MAP2: variants seen among roughly 807,000 people sequenced by gnomAD.
The protein encoded by MAP2 is microtubule-associated protein 2.
In MAP2, 14 loss-of-function variants were observed where a neutral mutation model predicts 137.6. That is an observed-to-expected ratio of 0.10 (90% CI 0.07 to 0.16). The LOEUF is 0.16. MAP2 is among the 10% of genes least tolerant of loss of function. The pLI is 1.00. For missense variants in MAP2, 2,088 were observed against 2,191.5 expected (o/e 0.95, Z 0.94); for synonymous variants, 786 against 782.3 (o/e 1.00, Z -0.08).
chr2:209,475,712 C>T (rs780094657), intron 1 of MAP2, among the ~76,000 whole-genome samples: 36 of 152,200 alleles, frequency 2.4e-4, no homozygotes, highest in Non-Finnish European at 4.1e-4. Flanking sequence ...AAATAAGCAT[C>T]AATCTTTGTA....
intron 13 of MAP2, among the ~76,000 whole-genome samples, chr2:209,711,288 A>G (rs2065363939): frequency 6.6e-6 from 1 of 152,004 alleles, no homozygotes; most frequent in Non-Finnish European, 1.5e-5. Context: ...AAGAAAATCT[A>G]TTTTCAGGAA....
chr2:209,465,556 C>T lies in MAP2; in HGVS notation c.-222+41280C>T, dbSNP rs1032225113. 2.0e-5 allele frequency among the ~76,000 whole-genome samples: 3 copies of T among 152,124 alleles called. No individual in the cohort carries two copies. In the East Asian group the frequency reaches 5.8e-4, roughly 29 times the overall value. On this transcript the variant is annotated intron_variant, in intron 1 of 15. Transcript: ENST00000682079. ...ATTTCATGACTGTATAGAGTGAGAA[C>T]ATGTTGAAAAGCAAACCTGGGTTTT...
At position 209,692,888 on chromosome 2, in the gene MAP2, A is replaced by C; in HGVS notation, c.718A>C (p.Lys240Gln). 5 of 1,614,078 alleles carry C rather than the reference A, an allele frequency of 3.1e-6. No homozygotes were observed. The highest frequency in any genetic ancestry group is 4.2e-6 in the Non-Finnish European group (5 of 1,179,984). ...TGCCAGCCTGGAAGACATGAAACAG[A>C]AGACAGAACCAAGCCTTGTAGTACC... ...LVASLEDMKQ[K>Q]TEPSLVVPGI... The change falls in exon 8 of 16, where the codon AAG becomes CAG. Residue 240 changes from lysine to glutamine, a missense_variant. Lys to Gln is a moderately conservative substitution (Grantham distance 53). Coordinates refer to ENST00000682079, the MANE Select transcript of MAP2 (RefSeq NM_001375505.1).
At chr2:209,493,066 T>C (rs2059326856) in intron 1 of MAP2, among the ~76,000 whole-genome samples, 1 of 152,206 alleles carries the variant, frequency 6.6e-6, no homozygotes, top group Admixed American at 6.5e-5. Context: ...GTTATGGTAC[T>C]GGTACCAAAA....
chr2:209,472,686 GA>G (rs1256048153), intron 1 of MAP2, among the ~76,000 whole-genome samples: 3 of 150,796 alleles, frequency 2.0e-5, no homozygotes, highest in East Asian at 1.9e-4. Context: ...GAGGGAGGAG[GA>G]AAAAAAACAG....
At chr2:209,496,566 C>G (rs1376518868) in intron 1 of MAP2, among the ~76,000 whole-genome samples, 1 of 152,124 alleles carries the variant, frequency 6.6e-6, no homozygotes, top group Non-Finnish European at 1.5e-5. Flanking sequence ...AAATCATACC[C>G]TCCATGAATA....
chr2:209,730,617 G>T lies in MAP2; in HGVS notation c.*220G>T, dbSNP rs2075664541. ...AACAGGAAGACACTGGCTTTACATG[G>T]GTTCAATTGGACAATTATTTTTGCT... On this transcript the variant is annotated 3_prime_UTR_variant, in exon 16 of 16. Coordinates refer to ENST00000682079, the MANE Select transcript of MAP2 (RefSeq NM_001375505.1). 5.6e-6 allele frequency: 3 copies of T among 531,750 alleles called. No homozygotes were observed. The highest frequency in any genetic ancestry group is 3.4e-6 in the Non-Finnish European group (1 of 297,148). 32.9% of individuals were successfully genotyped at this position (531,750 alleles called of 1,614,324 possible).
In MAP2 at chr2:209,435,929, T is replaced by G. The variant is rs951652317; in HGVS notation, c.-222+11653T>G. Among the ~76,000 whole-genome samples the G allele has an allele frequency of 5.3e-4, 44 of 82,382 alleles. No homozygotes were observed. In the East Asian group the frequency reaches 6.1e-3, roughly 11 times the overall value. The allele number at this position is 82,382 out of a possible 152,430, so 54.0% of individuals were successfully genotyped here. A position where few individuals can be genotyped will look rare whatever the true frequency, so the allele number is the denominator to read the frequency against. ...GTCACGTGCATGCCAAATATATATATTATATATATAATATATACTATATAT... is the reference window on the plus strand; with the variant it reads ...GTCACGTGCATGCCAAATATATATAGTATATATATAATATATACTATATAT... On this transcript the variant is annotated intron_variant, in intron 1 of 15. Coordinates refer to ENST00000682079, the MANE Select transcript of MAP2 (RefSeq NM_001375505.1).
At chr2:209,643,438 A>AAT (rs1439989075) in intron 4 of MAP2, among the ~76,000 whole-genome samples, 3 of 152,150 alleles carry the variant, frequency 2.0e-5, no homozygotes, top group African/African-American at 7.2e-5. Context: ...CTAGATACTA[A>AAT]ATAATTCAAT....
chr2:209,488,878 G>T (rs573983478), intron 1 of MAP2, among the ~76,000 whole-genome samples: 5 of 152,214 alleles, frequency 3.3e-5, no homozygotes, highest in African/African-American at 1.2e-4. Context: ...CGACTTAAAC[G>T]TTCCTGCCTG....
At chr2:209,566,802 G>T (rs1338367953) in intron 2 of MAP2, among the ~76,000 whole-genome samples, 4 of 152,048 alleles carry the variant, frequency 2.6e-5, no homozygotes, top group Non-Finnish European at 5.9e-5. Flanking sequence ...ACTCATGAGT[G>T]TCAGTTTCTC....
At position 209,598,625 on chromosome 2, in the gene MAP2, G is replaced by A. The variant is rs1275979034; in HGVS notation, c.-107+18525G>A. 5.8e-5 allele frequency among the ~76,000 whole-genome samples: 8 copies of A among 137,374 alleles called. No individual in the cohort carries two copies. The Admixed American group carries it at 6.4e-4, about 11-fold the overall frequency. The allele number at this position is 137,374 out of a possible 152,430, so 90.1% of individuals were successfully genotyped here. On this transcript the variant is annotated intron_variant, in intron 3 of 15. Coordinates refer to ENST00000682079, the MANE Select transcript of MAP2 (RefSeq NM_001375505.1). ...CCCCCACCCCACAACAGTCCCCAGAGTGTGATGTTCCCCTTCCTGTGTCCA... is the reference window on the plus strand; with the variant it reads ...CCCCCACCCCACAACAGTCCCCAGAATGTGATGTTCCCCTTCCTGTGTCCA...
At chr2:209,718,312 A>G (rs1199776270) in intron 13 of MAP2, among the ~76,000 whole-genome samples, 1 of 152,230 alleles carries the variant, frequency 6.6e-6, no homozygotes, top group African/African-American at 2.4e-5. Context: ...CAGATAACTG[A>G]GCAGACTATT....
At chr2:209,583,677 A>C (rs1219041620) in intron 3 of MAP2, among the ~76,000 whole-genome samples, 4 of 152,148 alleles carry the variant, frequency 2.6e-5, no homozygotes, top group Non-Finnish European at 4.4e-5. Flanking sequence ...GAGTATTTAC[A>C]GGAGAACATT....
chr2:209,506,634 T>G (rs2061099348), intron 1 of MAP2, among the ~76,000 whole-genome samples: 1 of 152,210 alleles, frequency 6.6e-6, no homozygotes, highest in Non-Finnish European at 1.5e-5. Context: ...TGGTTTACCT[T>G]CTTTATACTT....
chr2:209,542,863 C>A lies in MAP2; in HGVS notation c.-172+35222C>A, dbSNP rs192724038. 9.1e-4 allele frequency among the ~76,000 whole-genome samples: 139 copies of A among 152,358 alleles called. 2 individuals carry two copies. Among genetic ancestry groups the A allele is most frequent in the Non-Finnish European group, 2.2e-4 (15 of 68,034 alleles). On this transcript the variant is annotated intron_variant, in intron 2 of 15. Coordinates refer to ENST00000682079, the MANE Select transcript of MAP2 (RefSeq NM_001375505.1). ...ATAGTTTGGTCTTCTATGCAGACCACTGAAACTTTTTCCATATCAACAATA... is the reference window on the plus strand; with the variant it reads ...ATAGTTTGGTCTTCTATGCAGACCAATGAAACTTTTTCCATATCAACAATA...
chr2:209,638,871 C>T (rs962643965), intron 4 of MAP2, among the ~76,000 whole-genome samples: 2 of 152,028 alleles, frequency 1.3e-5, no homozygotes, highest in African/African-American at 4.8e-5. Flanking sequence ...CTGATATAAA[C>T]CTGGTATTCA....
intron 1 of MAP2, among the ~76,000 whole-genome samples, chr2:209,498,188 A>T (rs2059975141): frequency 6.6e-6 from 1 of 152,274 alleles, no homozygotes; most frequent in Non-Finnish European, 1.5e-5. Context: ...TAAAGGCCCC[A>T]TGCAAGTTCA....
intron 1 of MAP2, among the ~76,000 whole-genome samples, chr2:209,502,604 T>C (rs754272866): frequency 2.6e-5 from 4 of 152,336 alleles, no homozygotes; most frequent in African/African-American, 9.6e-5. Context: ...GTATTTTCCC[T>C]GTAGTGGGAT....
Sources: allele counts gnomAD v4.1 joint callset (sites outside exome capture counted in the v4.1 genomes callset), GRCh38; gene constraint gnomAD v4.1.1; transcripts MANE v1.5; gene names NCBI Gene and HGNC (gene_info 2026-07-23, HGNC 2026-07-21).